The following IGSF9B variants were observed in gnomAD, a reference collection of about 807,000 sequenced individuals.
The protein encoded by IGSF9B is protein turtle homolog B.
Under a neutral mutation model 143.7 loss-of-function variants are expected in IGSF9B, and 48 were observed. The observed-to-expected ratio is 0.33, with a 90% CI of 0.26 to 0.42. The LOEUF (loss-of-function observed/expected upper bound fraction) is 0.42. Among genes scored for constraint, IGSF9B ranks in the 20% least tolerant of loss-of-function variants. IGSF9B has a pLI of 1.00. For missense variants in IGSF9B, 1,706 were observed against 1,980.0 expected (o/e 0.86, Z 2.63); for synonymous variants, 903 against 833.1 (o/e 1.08, Z -1.44).
In IGSF9B at chr11:133,902,448, G is replaced by GACACACCACACACACGCACACCAC. The variant is rs747664339; in HGVS notation, c.*6620_*6621insGTGGTGTGCGTGTGTGTGGTGTGT. Among the ~76,000 whole-genome samples the GACACACCACACACACGCACACCAC allele has an allele frequency of 4.5e-4, 58 of 127,540 alleles. No homozygotes were observed. Among genetic ancestry groups the GACACACCACACACACGCACACCAC allele is most frequent in the African/African-American group, 1.8e-3 (55 of 30,738 alleles). 83.7% of individuals were successfully genotyped at this position (127,540 alleles called of 152,430 possible). ...CACACCACACCACACACACCACCCA[G>GACACACCACACACACGCACACCAC]ACACACCACACACAGATACACACAC... On this transcript the variant is annotated 3_prime_UTR_variant, in exon 20 of 20. Transcript: ENST00000533871.
rs1455178312 is a variant in IGSF9B, at chr11:133,904,624, TG to T, written c.*4444del. Among the ~76,000 whole-genome samples the T allele has an allele frequency of 3.6e-4, 55 of 152,016 alleles. No homozygotes were observed. The highest frequency in any genetic ancestry group is 3.6e-3 in the Admixed American group (55 of 15,276). Reference sequence around the variant, plus strand: ...ACCAGGCAATCATTCTTCGTCATCTTGGGATGATCCCCCAGTGTGTACCCTG... The same window carrying T: ...ACCAGGCAATCATTCTTCGTCATCTTGGATGATCCCCCAGTGTGTACCCTG... On this transcript the variant is annotated 3_prime_UTR_variant, in exon 20 of 20. Transcript: ENST00000533871.
At position 133,954,187 on chromosome 11, in the gene IGSF9B, G is replaced by A. The variant is rs570745588; in HGVS notation, c.64+2504C>T. ...ACTGGCTGGTGCTGCTCACACGAGC[G>A]GGCGCCCACCCGCTCTCTCCAGAGG... is the stretch of plus-strand genomic sequence containing the variant. On this transcript the variant is annotated intron_variant, in intron 1 of 19. Transcript: ENST00000533871. Among the ~76,000 whole-genome samples, 210 of 152,178 alleles carry A rather than the reference G, an allele frequency of 1.4e-3. 7 individuals are homozygous for A. The highest frequency in any genetic ancestry group is 3.5e-3 in the East Asian group (18 of 5,172).
At chr11:133,946,380 T>G in intron 1 of IGSF9B, 122 bp from the exon 2 acceptor site, 1 of 785,850 alleles carries the variant, frequency 1.3e-6, no homozygotes, top group Non-Finnish European at 2.1e-6. Context: ...TGGGCCACCG[T>G]ACCCTCCCAG....
In IGSF9B at chr11:133,935,711, G is replaced by T; in HGVS notation, c.873C>A (p.Phe291Leu). 1 of 1,611,410 alleles carries T rather than the reference G, an allele frequency of 6.2e-7. No individual in the cohort carries two copies. The highest frequency in any genetic ancestry group is 8.5e-7 in the Non-Finnish European group (1 of 1,179,018). ...RILIDGTLII[F>L]RVKPEDSGKY... is the part of the protein sequence containing the mutation. ...TCCCCGAGTCCTCCGGCTTCACCCG[G>T]AAGATGATCAGGGTCCCATCGATTA... Residue 291 changes from phenylalanine to leucine, a missense_variant, in exon 7 of 20, where the codon TTC (phenylalanine) becomes TTA (leucine). Coordinates refer to ENST00000533871, the MANE Select transcript of IGSF9B (RefSeq NM_001277285.4).
In IGSF9B at chr11:133,921,318, G is replaced by T; in HGVS notation, c.2407C>A (p.Pro803Thr). Residue 803 changes from proline (P) to threonine (T), a missense_variant, in exon 18 of 20, where the codon CCC becomes ACC. Transcript: ENST00000533871. ...PSESSDDQGQ[P>T]AAKRMLSPTR... ...GGGCTCAGCATCCTCTTGGCCGCGG[G>T]CTGGCCCTGGTCGTCGGAGGATTCT... is the stretch of plus-strand genomic sequence containing the variant. The T allele has an allele frequency of 1.2e-6, 2 of 1,601,256 alleles. No individual in the cohort carries two copies. The highest frequency in any genetic ancestry group is 8.5e-7 in the Non-Finnish European group (1 of 1,172,868).
chr11:133,937,146 CCATGTGGTGCCTGGCCACGG>C (rs1195061613), intron 5 of IGSF9B, among the ~76,000 whole-genome samples: 4 of 152,206 alleles, frequency 2.6e-5, no homozygotes, highest in African/African-American at 7.2e-5. Flanking sequence ...CTCTGCCACG[CCATGTGGTGCCTGGCCACGG>C]CCTGTGGGCC....
intron 1 of IGSF9B, among the ~76,000 whole-genome samples, chr11:133,947,438 G>A (rs502834): frequency 0.37 from 56,661 of 152,086 alleles, 11,655 homozygotes; most frequent in Middle Eastern, 0.51. Flanking sequence ...CCGGGCACCC[G>A]ACTCTCCAGG....
chr11:133,941,332 T>C (rs775417778), intron 3 of IGSF9B, among the ~76,000 whole-genome samples: 2 of 152,226 alleles, frequency 1.3e-5, no homozygotes, highest in Non-Finnish European at 2.9e-5. Flanking sequence ...TTATATGTGA[T>C]AAAGAAATAA....
intron 15 of IGSF9B, among the ~76,000 whole-genome samples, chr11:133,923,803 A>G (rs1939581429): frequency 6.6e-6 from 1 of 152,220 alleles, no homozygotes; most frequent in Admixed American, 6.5e-5. Flanking sequence ...GAGCTGGCAT[A>G]GAGCTACTGA....
Position 133,919,875 on chromosome 11 carries a change from A to G in IGSF9B, c.3850T>C (p.Ser1284Pro). ...GCAGGGGCGGGGCCGGGTGGAGGGG[A>G]AGGGTAGCCGGTGGCCAGAGTGGTG... ...GFTTLATGYP[S>P]PPPGPAPAGP... Residue 1284 changes from serine (S) to proline (P), a missense_variant, in exon 18 of 20, where the codon TCC becomes CCC. Physicochemically the swap from Ser to Pro is moderately conservative, Grantham distance 74 (BLOSUM62 -1). Around this residue, in one of 7 missense-constraint regions of IGSF9B, gnomAD observed 880 missense variants for 762.9 expected, o/e 1.15. Coordinates refer to ENST00000533871, the MANE Select transcript of IGSF9B (RefSeq NM_001277285.4). 1 of 1,577,648 alleles carries G rather than the reference A, an allele frequency of 6.3e-7. No homozygotes were observed. Among genetic ancestry groups the G allele is most frequent in the Non-Finnish European group, 8.6e-7 (1 of 1,160,712 alleles).
intron 3 of IGSF9B, among the ~76,000 whole-genome samples, chr11:133,943,676 G>A (rs1053098435): frequency 6.6e-6 from 1 of 152,136 alleles, no homozygotes; most frequent in African/African-American, 2.4e-5. Flanking sequence ...GGTAAACCCC[G>A]CACAGGCAGG....
intron 1 of IGSF9B, among the ~76,000 whole-genome samples, chr11:133,951,202 C>T (rs541147436): frequency 1.3e-5 from 2 of 152,312 alleles, no homozygotes; most frequent in African/African-American, 4.8e-5. Flanking sequence ...GTCCAAAACG[C>T]CGACGGTGTC....
intron 1 of IGSF9B, among the ~76,000 whole-genome samples, chr11:133,947,972 T>C (rs1169989257): frequency 6.6e-6 from 1 of 152,094 alleles, no homozygotes; most frequent in Non-Finnish European, 1.5e-5. Context: ...TCCCTCTGTC[T>C]CTTTCTCTCT....
In IGSF9B at chr11:133,944,365, G is replaced by C; in HGVS notation, c.264C>G (p.Gly88=). 6.2e-7 allele frequency: 1 copy of C among 1,613,176 alleles called. No individual in the cohort carries two copies. The highest frequency in any genetic ancestry group is 8.5e-7 in the Non-Finnish European group (1 of 1,179,800). ...ATGCCTTATCATGAAGACTGGCCCG[G>C]CCTGGGGGAATAGAGCAGACAAAAG... ...YPPHVDPEYA[G]RASLHDKASL... The change falls in exon 3 of 20, where the codon GGC becomes GGG. Residue 88 remains glycine, a splice_region_variant and synonymous_variant. Coordinates refer to ENST00000533871, the MANE Select transcript of IGSF9B (RefSeq NM_001277285.4).
Position 133,920,785 on chromosome 11 carries a change from CG to C in IGSF9B, c.2939del (p.Pro980ArgfsTer13). The C allele has an allele frequency of 6.2e-7, 1 of 1,609,262 alleles. No individual in the cohort carries two copies. The highest frequency in any genetic ancestry group is 8.5e-7 in the Non-Finnish European group (1 of 1,177,832). On this transcript the variant is annotated frameshift_variant, in exon 18 of 20. Transcript: ENST00000533871. LOFTEE classifies it high-confidence loss of function. The part of the protein sequence containing the change: ...LSSSSPGEVE[P>X]PPFYVPEVGS... Reference sequence around the variant, plus strand: ...CCACTTCTGGCACGTAGAACGGGGGCGGCTCCACCTCCCCAGGGCTGCTGCT... The same window carrying C: ...CCACTTCTGGCACGTAGAACGGGGGCGCTCCACCTCCCCAGGGCTGCTGCT...
At chr11:133,956,585 G>A in intron 1 of IGSF9B, 106 bp downstream of exon 1, 1 of 732,392 alleles carries the variant, frequency 1.4e-6, no homozygotes. Context: ...GGCGCGCCGG[G>A]GAGCTGGGGA....
chr11:133,908,666 T>C lies in IGSF9B; in HGVS notation c.*403A>G, dbSNP rs1939250980. On this transcript the variant is annotated 3_prime_UTR_variant, in exon 20 of 20. Transcript: ENST00000533871. ...TCTATATCTATATATATGTGGGGTG[T>C]GGAAGATGGACATTAAGTCCAGCCT... 1.0e-5 allele frequency: 2 copies of C among 196,534 alleles called. No individual in the cohort carries two copies. 12.2% of individuals were successfully genotyped at this position (196,534 alleles called of 1,614,324 possible).
chr11:133,910,462 C>T (rs190022372), intron 19 of IGSF9B, among the ~76,000 whole-genome samples: 368 of 152,224 alleles, frequency 2.4e-3, no homozygotes, highest in African/African-American at 8.2e-3. Context: ...CATTACCTAG[C>T]GGGCTCGACG....
intron 16 of IGSF9B, 49 bp from the exon 17 acceptor site, chr11:133,922,271 A>C: frequency 6.6e-7 from 1 of 1,513,504 alleles, no homozygotes; most frequent in Middle Eastern, 1.7e-4. Context: ...GCCAGCAACC[A>C]CGCAGCACGC....
Sources: allele counts gnomAD v4.1 joint callset (sites outside exome capture counted in the v4.1 genomes callset), GRCh38; gene constraint gnomAD v4.1.1; regional missense constraint gnomAD v4.1.1; transcripts MANE v1.5; gene names NCBI Gene and HGNC (gene_info 2026-07-23, HGNC 2026-07-21).